ARAP1: variants seen among roughly 807,000 people sequenced by gnomAD.
The protein encoded by ARAP1 is arf-GAP with Rho-GAP domain, ANK repeat and PH domain-containing protein 1.
A neutral mutation model predicts 172.2 loss-of-function variants in ARAP1; 76 were observed. That is an observed-to-expected ratio of 0.44 (90% CI 0.37 to 0.53). ARAP1 has a LOEUF of 0.53. Among genes scored for constraint, ARAP1 ranks in the 20% least tolerant of loss-of-function variants. The probability of loss-of-function intolerance (pLI) is 0.00; values close to 1 mark genes in which losing one functional copy is unlikely to be tolerated. For synonymous variants in ARAP1, 804 were observed against 803.3 expected, an observed-to-expected ratio of 1.00 and a Z score of -0.01; for missense variants, 1,686 against 1,977.5, an observed-to-expected ratio of 0.85 and a Z score of 2.80.
chr11:72,748,829 G>C (rs569916215), intron 1 of ARAP1, among the ~76,000 whole-genome samples: 9 of 149,972 alleles, frequency 6.0e-5, no homozygotes, highest in Admixed American at 4.6e-4. Flanking sequence ...GTAGGGGAAG[G>C]TGGAAAAAAT....
rs1250821125 is a variant in ARAP1 at position 72,710,365 on chromosome 11, G to T, written c.1416+20C>A. ...GTAGGTGGACATGGGCAGGGGAGAGGTTCCATGACCCCTTAGCACCTCTAG... is the reference window on the plus strand; with the variant it reads ...GTAGGTGGACATGGGCAGGGGAGAGTTTCCATGACCCCTTAGCACCTCTAG... On this transcript the variant is annotated intron_variant, in intron 10 of 34. Coordinates refer to ENST00000393609, the MANE Select transcript of ARAP1 (RefSeq NM_001040118.3). This position sits in a 1 kb window ranked among gnomAD's most constrained non-coding sequence, Gnocchi z 4.3. The T allele has an allele frequency of 6.2e-7, 1 of 1,612,928 alleles. No homozygotes were observed. Among genetic ancestry groups the T allele is most frequent in the Admixed American group, 1.7e-5 (1 of 59,970 alleles).
At chr11:72,685,883 T>A in intron 34 of ARAP1, 159 bp downstream of exon 34, 1 of 1,424,312 alleles carries the variant, frequency 7.0e-7, no homozygotes, top group Non-Finnish European at 9.8e-7. Context: ...TTGAATGGTG[T>A]GAACCAAAGA....
At position 72,693,758 on chromosome 11, in the gene ARAP1, G is replaced by A. The variant is rs778876994; in HGVS notation, c.3742C>T (p.Leu1248=). 1 of 1,610,038 alleles carries A rather than the reference G, an allele frequency of 6.2e-7. No homozygotes were observed. Among genetic ancestry groups the A allele is most frequent in the African/African-American group, 1.3e-5 (1 of 74,816 alleles). Residue 1248 remains leucine, a synonymous_variant, in exon 28 of 35, where the codon CTG becomes TTG. Transcript: ENST00000393609. The surrounding 1 kb of genome is among the most constrained non-coding windows in gnomAD (Gnocchi z 4.6). The part of the protein sequence containing the change: ...AEKVLPILHG[L]GTDSHLVVKK... ...ACCACCAGGTGGCTGTCCGTGCCCA[G>A]CCCGTGCAGGATGGGCAGCACCTTC...
In ARAP1 at chr11:72,727,112, TCCCCA is replaced by T; in HGVS notation, c.12_16del (p.Gly5CysfsTer22). On this transcript the variant is annotated frameshift_variant, in exon 3 of 35. Coordinates refer to ENST00000393609, the MANE Select transcript of ARAP1 (RefSeq NM_001040118.3). LOFTEE classifies it high-confidence loss of function. ...CCACTCGGCCACCGATAGCGCAGCA[TCCCCA>T]GCCTCTGCCATGGTTCCTGCCAGCG... The T allele has an allele frequency of 6.3e-7, 1 of 1,588,188 alleles. No homozygotes were observed. The highest frequency in any genetic ancestry group is 8.6e-7 in the Non-Finnish European group (1 of 1,163,174).
chr11:72,728,263 A>G (rs1241029631), intron 2 of ARAP1, among the ~76,000 whole-genome samples: 1 of 152,220 alleles, frequency 6.6e-6, no homozygotes, highest in Non-Finnish European at 1.5e-5. Context: ...AACAACCAGT[A>G]AAGACTTTAG....
chr11:72,734,918 T>C (rs1343814137), intron 1 of ARAP1, among the ~76,000 whole-genome samples: 1 of 152,148 alleles, frequency 6.6e-6, no homozygotes, highest in Non-Finnish European at 1.5e-5. Flanking sequence ...TTATTAACAT[T>C]AATTTCACTT....
At chr11:72,689,792 T>A (rs1591168959) in intron 30 of ARAP1, among the ~76,000 whole-genome samples, 1 of 152,168 alleles carries the variant, frequency 6.6e-6, no homozygotes, top group Admixed American at 6.5e-5. Context: ...TGGAACCAAC[T>A]GGGCTGCAGG....
rs369611323 is a variant in ARAP1 at position 72,693,660 on chromosome 11, C to G, written c.3808+32G>C. ...CCTGGCTCTGGAAGAGAGGACCACC[C>G]GGAGCCTGGCCACCCTGCAGGCACC... On this transcript the variant is annotated intron_variant, in intron 28 of 34. Coordinates refer to ENST00000393609, the MANE Select transcript of ARAP1 (RefSeq NM_001040118.3). The surrounding 1 kb of genome is among the most constrained non-coding windows in gnomAD (Gnocchi z 4.6). 6.4e-7 allele frequency: 1 copy of G among 1,569,414 alleles called. No individual in the cohort carries two copies. Among genetic ancestry groups the G allele is most frequent in the Admixed American group, 1.8e-5 (1 of 54,326 alleles).
At position 72,710,071 on chromosome 11, in the gene ARAP1, G is replaced by C; in HGVS notation, c.1417-95C>G. On this transcript the variant is annotated intron_variant, in intron 10 of 34. Coordinates refer to ENST00000393609, the MANE Select transcript of ARAP1 (RefSeq NM_001040118.3). The surrounding 1 kb of genome is among the most constrained non-coding windows in gnomAD (Gnocchi z 4.3). ...GGAAGGGAAGGTGGTGCAACTCAGG[G>C]ACTGGGGGGGGTGCCCAGGAGGGAG... 1 of 1,155,916 alleles carries C rather than the reference G, an allele frequency of 8.7e-7. No individual in the cohort carries two copies. The highest frequency in any genetic ancestry group is 1.2e-5 in the South Asian group (1 of 80,500). The allele number at this position is 1,155,916 out of a possible 1,614,324, so 71.6% of individuals were successfully genotyped here.
chr11:72,688,715 A>T (rs1855796459), intron 30 of ARAP1, 178 bp from the exon 31 acceptor site: 1 of 581,770 alleles, frequency 1.7e-6, no homozygotes, highest in African/African-American at 1.9e-5. Flanking sequence ...TAGCCCAACC[A>T]ACCTCCCAGC....
rs1256564608 is a variant in ARAP1, at chr11:72,686,075, C to T, written c.4302G>A (p.Arg1434=). 3 of 1,613,984 alleles carry T rather than the reference C, an allele frequency of 1.9e-6. No individual in the cohort carries two copies. Among genetic ancestry groups the T allele is most frequent in the African/African-American group, 2.7e-5 (2 of 74,938 alleles). The change falls in exon 34 of 35, where the codon CGG becomes CGA. Residue 1434 remains arginine (R), a synonymous_variant. Transcript: ENST00000393609. ...PLRGSENEMR[R]SVAAFTADPL... ...GGTCCGCGGTGAAGGCAGCCACACT[C>T]CGGCGCATTTCATTTTCACTACCTC...
intron 31 of ARAP1, 116 bp from the exon 32 acceptor site, chr11:72,687,854 C>T: frequency 7.9e-7 from 1 of 1,271,874 alleles, no homozygotes. Context: ...AGTTCAGAGC[C>T]TTCTCACAAG....
intron 1 of ARAP1, among the ~76,000 whole-genome samples, chr11:72,749,357 C>A (rs558045984): frequency 1.3e-5 from 2 of 152,292 alleles, no homozygotes; most frequent in East Asian, 3.9e-4. Flanking sequence ...CACCTAATTT[C>A]TTGGGTTATT....
intron 2 of ARAP1, among the ~76,000 whole-genome samples, chr11:72,729,229 A>G (rs940250419): frequency 6.6e-6 from 1 of 152,222 alleles, no homozygotes; most frequent in Admixed American, 6.5e-5. Flanking sequence ...CTCAAAAAAA[A>G]CTAATGTGGA....
chr11:72,726,800 C>A lies in ARAP1; in HGVS notation c.329G>T (p.Gly110Val), dbSNP rs1185517189. The part of the protein sequence containing the change: ...EPLPTTTEDE[G>V]LPAAPPIPPR... Reference sequence around the variant, plus strand: ...CGGGATGGGTGGGGCAGCGGGGAGCCCCTCATCCTCTGTAGTGGTGGGCAG... The same window carrying A: ...CGGGATGGGTGGGGCAGCGGGGAGCACCTCATCCTCTGTAGTGGTGGGCAG... Residue 110 changes from glycine (G) to valine (V), a missense_variant, in exon 3 of 35, where the codon GGG becomes GTG. By Grantham distance (109) the Gly-to-Val change is moderately radical. This residue lies in a region of ARAP1 where 190 missense variants were observed against 228.6 expected (regional missense o/e 0.83). Transcript: ENST00000393609. The surrounding 1 kb of genome is among the most constrained non-coding windows in gnomAD (Gnocchi z 6.5). 9 of 1,555,364 alleles carry A rather than the reference C, an allele frequency of 5.8e-6. No individual in the cohort carries two copies. Among genetic ancestry groups the A allele is most frequent in the Non-Finnish European group, 7.8e-6 (9 of 1,149,552 alleles).
At chr11:72,743,715 C>A (rs1858271856) in intron 1 of ARAP1, among the ~76,000 whole-genome samples, 1 of 152,176 alleles carries the variant, frequency 6.6e-6, no homozygotes, top group African/African-American at 2.4e-5. Context: ...GCACTTCCTG[C>A]TGGACCGGCC....
chr11:72,724,283 C>A (rs184213013), intron 3 of ARAP1, among the ~76,000 whole-genome samples: 24 of 152,264 alleles, frequency 1.6e-4, no homozygotes, highest in African/African-American at 5.5e-4. Context: ...ACGCATCCAC[C>A]CCCAAGCTCC....
rs555325607 is a variant in ARAP1 at position 72,718,943 on chromosome 11, C to T, written c.510-4622G>A. On this transcript the variant is annotated intron_variant, in intron 3 of 34. Transcript: ENST00000393609. ...CATTAACTCTGTGTGTGCGTGTCTA[C>T]GTGTATGTGTTCCCAGGCATTTTCT... Among the ~76,000 whole-genome samples the T allele has an allele frequency of 3.9e-5, 6 of 152,304 alleles. No individual in the cohort carries two copies. The South Asian group carries it at 8.3e-4, about 21-fold the overall frequency.
rs1176439615 is a variant in ARAP1, at chr11:72,695,521, C to G, written c.3507+21G>C. ...GTGCAGGTGGCAGGTCCAAGCCCCC[C>G]ACCCAGGCTCCAGCCTTCACCTGGG... On this transcript the variant is annotated intron_variant, in intron 25 of 34. Transcript: ENST00000393609. The surrounding 1 kb of genome is among the most constrained non-coding windows in gnomAD (Gnocchi z 4.4). 6.2e-7 allele frequency: 1 copy of G among 1,614,156 alleles called. No homozygotes were observed. Among genetic ancestry groups the G allele is most frequent in the Non-Finnish European group, 8.5e-7 (1 of 1,180,032 alleles).
Sources: allele counts gnomAD v4.1 joint callset (sites outside exome capture counted in the v4.1 genomes callset), GRCh38; gene constraint gnomAD v4.1.1; regional missense constraint gnomAD v4.1.1; non-coding constraint Gnocchi (gnomAD v3.1); transcripts MANE v1.5; gene names NCBI Gene and HGNC (gene_info 2026-07-23, HGNC 2026-07-21).